Variants in OLA1 observed in about 807,000 individuals in gnomAD.
The protein encoded by OLA1 is Obg like ATPase 1.
Under a neutral mutation model 48.4 loss-of-function variants are expected in OLA1, and 14 were observed. That is an observed-to-expected ratio of 0.29 (90% confidence interval 0.19 to 0.45). OLA1 has a LOEUF of 0.45. OLA1 is among the 20% of genes least tolerant of loss of function. The pLI, the probability that OLA1 is intolerant of heterozygous loss-of-function variation, is 1.00. For missense variants in OLA1, 325 were observed against 467.1 expected (o/e 0.70, Z 2.80); for synonymous variants, 127 against 150.4 (o/e 0.84, Z 1.14).
chr2:174,199,316 A>G (rs963251035), intron 4 of OLA1, among the ~76,000 whole-genome samples: 8 of 152,166 alleles, frequency 5.3e-5, no homozygotes, highest in Non-Finnish European at 1.0e-4. Context: ...GATGGGGCAG[A>G]CACAGACCAC....
chr2:174,207,874 A>G (rs1043137894), intron 4 of OLA1, among the ~76,000 whole-genome samples: 4 of 152,200 alleles, frequency 2.6e-5, no homozygotes, highest in African/African-American at 9.7e-5. Context: ...ACAGGTTTGA[A>G]CTGCACAGAT....
chr2:174,236,460 G>C (rs1177413668), intron 2 of OLA1, among the ~76,000 whole-genome samples: 1 of 152,070 alleles, frequency 6.6e-6, no homozygotes, highest in Non-Finnish European at 1.5e-5. Flanking sequence ...AGACCTTGAA[G>C]ACAGCAATAA....
intron 4 of OLA1, among the ~76,000 whole-genome samples, chr2:174,213,777 T>C (rs1044981398): frequency 1.3e-5 from 2 of 152,196 alleles, no homozygotes; most frequent in African/African-American, 4.8e-5. Context: ...AGCATGATTC[T>C]GTTTACTGAA....
At chr2:174,148,008 C>T (rs569305608) in intron 4 of OLA1, among the ~76,000 whole-genome samples, 4 of 152,118 alleles carry the variant, frequency 2.6e-5, no homozygotes, top group East Asian at 1.9e-4. Flanking sequence ...TTTCAGTAGA[C>T]GGGGTTTTGC....
intron 4 of OLA1, among the ~76,000 whole-genome samples, chr2:174,166,454 T>C (rs1384246535): frequency 6.6e-6 from 1 of 152,158 alleles, no homozygotes; most frequent in Non-Finnish European, 1.5e-5. Context: ...CTGGTTCACA[T>C]ACTTGGGAAA....
At chr2:174,247,800 C>T in intron 1 of OLA1, 3 of 1,549,440 alleles carry the variant, frequency 1.9e-6, no homozygotes, top group Non-Finnish European at 2.6e-6. Context: ...ATCGACGGAA[C>T]CTTTTTATTT....
At chr2:174,166,218 G>A (rs571146568) in intron 4 of OLA1, among the ~76,000 whole-genome samples, 1 of 151,064 alleles carries the variant, frequency 6.6e-6, no homozygotes, top group Non-Finnish European at 1.5e-5. Context: ...TTTAATTTTT[G>A]ACCTAATTCA....
chr2:174,223,085 C>A lies in OLA1; in HGVS notation c.321G>T (p.Gly107=). The A allele has an allele frequency of 6.2e-7, 1 of 1,613,828 alleles. No individual in the cohort carries two copies. Among genetic ancestry groups the A allele is most frequent in the South Asian group, 1.1e-5 (1 of 91,074 alleles). The change falls in exon 4 of 11, where the codon GGG becomes GGT. Residue 107 remains glycine, a synonymous_variant. Coordinates refer to ENST00000284719, the MANE Select transcript of OLA1 (RefSeq NM_013341.5). ...CACTAATATGAGATAAAAAAGCATT[C>A]CCCAGGCCCTGCCCATTGTGAGCTC... The part of the protein sequence containing the change: ...VKGAHNGQGL[G]NAFLSHISAC...
intron 7 of OLA1, among the ~76,000 whole-genome samples, chr2:174,094,890 T>C (rs1396098033): frequency 6.6e-6 from 1 of 152,230 alleles, no homozygotes; most frequent in East Asian, 1.9e-4. Flanking sequence ...ATAAGTGGAA[T>C]CATATAGTAT....
At chr2:174,085,692 A>G (rs1395523586) in intron 7 of OLA1, among the ~76,000 whole-genome samples, 2 of 152,210 alleles carry the variant, frequency 1.3e-5, no homozygotes, top group Non-Finnish European at 1.5e-5. Context: ...TTAAAATTCC[A>G]GATGCCAAAA....
At chr2:174,100,112 T>TG (rs1053407191) in intron 7 of OLA1, among the ~76,000 whole-genome samples, 3 of 152,222 alleles carry the variant, frequency 2.0e-5, no homozygotes, top group African/African-American at 7.2e-5. Context: ...CAAGAAACAC[T>TG]GGGGGACCTG....
intron 4 of OLA1, among the ~76,000 whole-genome samples, chr2:174,202,364 G>A (rs1407450756): frequency 3.3e-5 from 5 of 152,184 alleles, no homozygotes; most frequent in Non-Finnish European, 5.9e-5. Context: ...ATTGGGATGA[G>A]CTTGAGTGTT....
At chr2:174,189,921 CA>C (rs1687738905) in intron 4 of OLA1, among the ~76,000 whole-genome samples, 2 of 147,822 alleles carry the variant, frequency 1.4e-5, no homozygotes, top group Non-Finnish European at 3.0e-5. Context: ...AAGTACCCAC[CA>C]ATACTGAATG....
At chr2:174,111,206 A>G (rs1416187963) in intron 7 of OLA1, among the ~76,000 whole-genome samples, 1 of 152,214 alleles carries the variant, frequency 6.6e-6, no homozygotes, top group Non-Finnish European at 1.5e-5. Context: ...TTCTTGAGTC[A>G]TGCTTACACA....
intron 2 of OLA1, among the ~76,000 whole-genome samples, chr2:174,230,561 A>G (rs1206883181): frequency 6.6e-6 from 1 of 152,226 alleles, no homozygotes; most frequent in Admixed American, 6.5e-5. Flanking sequence ...ACCTCCTGAA[A>G]GAAGTATATA....
intron 7 of OLA1, among the ~76,000 whole-genome samples, chr2:174,088,383 T>C (rs1032080236): frequency 6.6e-6 from 1 of 152,226 alleles, no homozygotes; most frequent in Non-Finnish European, 1.5e-5. Context: ...AAGATTACTA[T>C]AAATTAATGT....
chr2:174,218,218 TA>T (rs1337432165), intron 4 of OLA1, among the ~76,000 whole-genome samples: 1 of 152,112 alleles, frequency 6.6e-6, no homozygotes, highest in Non-Finnish European at 1.5e-5. Flanking sequence ...GAAGAACCAA[TA>T]TTTTTTTGGA....
chr2:174,228,962 C>T (rs2105455619), intron 3 of OLA1, among the ~76,000 whole-genome samples: 1 of 152,276 alleles, frequency 6.6e-6, no homozygotes, highest in Admixed American at 6.5e-5. Flanking sequence ...CTGCAACCTC[C>T]ACCTCCTGGG....
chr2:174,079,280 G>A (rs1477689790), intron 9 of OLA1, 190 bp from the exon 10 acceptor site: 7 of 384,176 alleles, frequency 1.8e-5, no homozygotes, highest in Non-Finnish European at 3.2e-5. Flanking sequence ...GCATAGATCA[G>A]TAGATATTAA....
Sources: gnomAD v4.1 joint callset for allele counts (sites outside exome capture counted in the v4.1 genomes callset) on GRCh38, gnomAD v4.1.1 for gene constraint, MANE v1.5 for transcripts, NCBI Gene and HGNC (gene_info 2026-07-23, HGNC 2026-07-21) for gene names.